Variants in MYH14 observed in about 807,000 individuals in gnomAD.
MYH14 encodes the protein myosin heavy chain 14.
A neutral mutation model predicts 255.5 loss-of-function variants in MYH14; 123 were observed. That is an observed-to-expected ratio of 0.48 (90% confidence interval 0.42 to 0.56). The LOEUF (loss-of-function observed/expected upper bound fraction) is 0.56. Ranked by LOEUF, MYH14 falls within the 20% of genes least tolerant of loss-of-function variation. MYH14 has a pLI of 0.00. For missense variants in MYH14, 2,423 were observed against 2,802.3 expected (o/e 0.86, Z 3.06); for synonymous variants, 1,095 against 1,161.2 (o/e 0.94, Z 1.16).
intron 41 of MYH14, among the ~76,000 whole-genome samples, chr19:50,307,751 A>G (rs2036702329): frequency 1.3e-5 from 2 of 152,248 alleles, no homozygotes; most frequent in South Asian, 2.1e-4. Flanking sequence ...TCACAGATGA[A>G]GAAACTGAAA....
At chr19:50,255,768 T>A (rs761100615) in intron 17 of MYH14, among the ~76,000 whole-genome samples, 3 of 151,872 alleles carry the variant, frequency 2.0e-5, no homozygotes, top group Non-Finnish European at 4.4e-5. Context: ...TAATAAATGA[T>A]AATTATCATT....
At chr19:50,300,121 A>G (rs1410665639) in intron 39 of MYH14, among the ~76,000 whole-genome samples, 2 of 152,186 alleles carry the variant, frequency 1.3e-5, no homozygotes, top group Non-Finnish European at 2.9e-5. Flanking sequence ...GGGGAGAAGG[A>G]AGAGGTTTTC....
rs2035518443 is a variant in MYH14, at chr19:50,276,670, A to T, written c.3681-87A>T. The T allele has an allele frequency of 1.3e-6, 2 of 1,561,230 alleles. No individual in the cohort carries two copies. Among genetic ancestry groups the T allele is most frequent in the Non-Finnish European group, 8.8e-7 (1 of 1,135,978 alleles). ...TGAGGCCCTCATATTTTAAGGAAAC[A>T]TGAAAAGGAGAAACAACCAGCTCCC... On this transcript the variant is annotated intron_variant, in intron 28 of 42. Transcript: ENST00000642316. The surrounding 1 kb of genome is among the most constrained non-coding windows in gnomAD (Gnocchi z 4.3).
chr19:50,255,063 G>C (rs750647609), intron 16 of MYH14, among the ~76,000 whole-genome samples, 157 bp from the exon 17 acceptor site: 14 of 152,126 alleles, frequency 9.2e-5, no homozygotes, highest in Non-Finnish European at 2.1e-4. Context: ...CAACATTCTG[G>C]TTTTCCATCT....
At chr19:50,264,083 AG>A (rs368640285) in intron 22 of MYH14, among the ~76,000 whole-genome samples, 46,987 of 111,440 alleles carry the variant, frequency 0.42, 9,670 homozygotes, top group Admixed American at 0.52. Flanking sequence ...AAAAGAGCAA[AG>A]GTTAAAAAAA....
intron 11 of MYH14, among the ~76,000 whole-genome samples, chr19:50,244,543 G>A: frequency 6.7e-6 from 1 of 149,178 alleles, no homozygotes; most frequent in African/African-American, 2.5e-5. Context: ...GAGTGCAGTG[G>A]CGTGATCTCA....
Position 50,292,380 on chromosome 19 carries a change from G to A in MYH14, c.5247G>A (p.Arg1749=), listed in dbSNP as rs1261484100. The change falls in exon 37 of 43, where the codon CGG becomes CGA. Residue 1749 remains arginine (R), a synonymous_variant. Coordinates refer to ENST00000642316, the MANE Select transcript of MYH14 (RefSeq NM_001145809.2). Reference sequence around the variant, plus strand: ...AGGGCCTGGAGGCTGAGGTGCTGCGGCTGCAGGAGGTGAGGCTGGGGTAGG... The same window carrying A: ...AGGGCCTGGAGGCTGAGGTGCTGCGACTGCAGGAGGTGAGGCTGGGGTAGG... ...RLKGLEAEVL[R]LQEELAASDR... The A allele has an allele frequency of 6.3e-7, 1 of 1,581,942 alleles. No individual in the cohort carries two copies. The highest frequency in any genetic ancestry group is 1.2e-5 in the South Asian group (1 of 85,964).
intron 22 of MYH14, among the ~76,000 whole-genome samples, chr19:50,265,067 A>G (rs2035032063): frequency 6.6e-6 from 1 of 152,248 alleles, no homozygotes; most frequent in African/African-American, 2.4e-5. Context: ...GTGATTAAAA[A>G]GAGACAAGGT....
At chr19:50,232,093 A>G in intron 10 of MYH14, 23 bp downstream of exon 10, 1 of 1,607,968 alleles carries the variant, frequency 6.2e-7, no homozygotes, top group Non-Finnish European at 8.5e-7. Context: ...CGTGGAGGCC[A>G]GGGGTAGGGG....
Position 50,203,658 on chromosome 19 carries a change from G to A in MYH14, c.-17G>A, listed in dbSNP as rs905967494. The A allele has an allele frequency of 6.6e-6, 1 of 152,394 alleles. No individual in the cohort carries two copies. Among genetic ancestry groups the A allele is most frequent in the African/African-American group, 2.4e-5 (1 of 41,454 alleles). 9.4% of individuals were successfully genotyped at this position (152,394 alleles called of 1,614,324 possible). On this transcript the variant is annotated 5_prime_UTR_variant, in exon 1 of 43. Coordinates refer to ENST00000642316, the MANE Select transcript of MYH14 (RefSeq NM_001145809.2). ...TCTCCCCAGGCCGAAGCCTCGGGAC[G>A]GCCCTGGAAGCCGGTGAGTGCCCGG...
chr19:50,264,504 A>C (rs1289194388), intron 22 of MYH14, among the ~76,000 whole-genome samples: 1 of 152,212 alleles, frequency 6.6e-6, no homozygotes, highest in Non-Finnish European at 1.5e-5. Flanking sequence ...CAAGGGCCAG[A>C]CTTTTCTTAG....
intron 3 of MYH14, among the ~76,000 whole-genome samples, chr19:50,222,143 G>T (rs1239053952): frequency 6.6e-6 from 1 of 152,068 alleles, no homozygotes; most frequent in Non-Finnish European, 1.5e-5. Flanking sequence ...ACATTGCCAG[G>T]TGTCTCCTGG....
intron 19 of MYH14, 24 bp downstream of exon 19, chr19:50,259,289 C>T: frequency 1.3e-6 from 2 of 1,555,000 alleles, no homozygotes; most frequent in South Asian, 1.2e-5. Context: ...AGGGCCCAGG[C>T]CCGGCGGAGG....
chr19:50,258,761 CAA>C (rs914738498), intron 18 of MYH14: 1 of 144,986 alleles, frequency 6.9e-6, no homozygotes, highest in Non-Finnish European at 1.4e-5. Context: ...AACAAACAAA[CAA>C]AAACCAAAAA....
intron 27 of MYH14, among the ~76,000 whole-genome samples, chr19:50,275,585 G>C (rs2035473889): frequency 6.6e-6 from 1 of 152,116 alleles, no homozygotes; most frequent in Admixed American, 6.5e-5. Context: ...CCAGCACTTT[G>C]TAAGGCCGAG....
rs760146611 is a variant in MYH14, at chr19:50,276,465, T to A, written c.3680+262T>A. On this transcript the variant is annotated intron_variant, in intron 28 of 42. Transcript: ENST00000642316. The surrounding 1 kb of genome is among the most constrained non-coding windows in gnomAD (Gnocchi z 4.3). The stretch of plus-strand genomic sequence containing the variant: ...CAGAACAAGGGGTGCTTTAGCGGAG[T>A]AACACGGGGCACTGTGGGTGATAAG... Among the ~76,000 whole-genome samples, 6 of 151,664 alleles carry A rather than the reference T, an allele frequency of 4.0e-5. No homozygotes were observed. Among genetic ancestry groups the A allele is most frequent in the Non-Finnish European group, 7.4e-5 (5 of 67,942 alleles).
rs184402018 is a variant in MYH14 at position 50,251,824 on chromosome 19, C to T, written c.1831-815C>T. ...AACTCCTGACCTCAGTTGATCCACC[C>T]GCATAGGCCTCCCAAAGTGCTGGGA... On this transcript the variant is annotated intron_variant, in intron 15 of 42. Coordinates refer to ENST00000642316, the MANE Select transcript of MYH14 (RefSeq NM_001145809.2). Among the ~76,000 whole-genome samples, 337 of 152,222 alleles carry T rather than the reference C, an allele frequency of 2.2e-3. 2 individuals are homozygous for T. The highest frequency in any genetic ancestry group is 7.8e-3 in the African/African-American group (324 of 41,520).
rs1200431071 is a variant in MYH14, at chr19:50,310,372, C to T, written c.*582C>T. 5 of 159,288 alleles carry T rather than the reference C, an allele frequency of 3.1e-5. No homozygotes were observed. Among genetic ancestry groups the T allele is most frequent in the Non-Finnish European group, 6.8e-5 (5 of 73,110 alleles). 9.9% of individuals were successfully genotyped at this position (159,288 alleles called of 1,614,324 possible). On this transcript the variant is annotated 3_prime_UTR_variant, in exon 43 of 43. Coordinates refer to ENST00000642316, the MANE Select transcript of MYH14 (RefSeq NM_001145809.2). ...CCCAGGCCTCCACCAGCCTTGAACC[C>T]TTGCAAAGGGGCAGGACAAGGGGAC... is the stretch of plus-strand genomic sequence containing the variant.
At chr19:50,228,510 C>T (rs1004772159) in intron 8 of MYH14, among the ~76,000 whole-genome samples, 5 of 152,066 alleles carry the variant, frequency 3.3e-5, no homozygotes, top group African/African-American at 1.2e-4. Context: ...GGTTCTGCTG[C>T]CTTGTGGGAG....
Sources: allele counts gnomAD v4.1 joint callset (sites outside exome capture counted in the v4.1 genomes callset), GRCh38; gene constraint gnomAD v4.1.1; non-coding constraint Gnocchi (gnomAD v3.1); transcripts MANE v1.5; gene names NCBI Gene and HGNC (gene_info 2026-07-23, HGNC 2026-07-21).